The following ALK variants were observed in gnomAD, a reference collection of about 807,000 sequenced individuals.
ALK encodes ALK tyrosine kinase receptor.
In ALK, 74 loss-of-function variants were observed where a neutral mutation model predicts 163.1. That is an observed-to-expected ratio of 0.45 (90% confidence interval 0.38 to 0.55). ALK has a LOEUF of 0.55. Among genes scored for constraint, ALK ranks in the 20% least tolerant of loss-of-function variants. The pLI is 0.00. For missense variants in ALK, 2,063 were observed against 2,105.3 expected (o/e 0.98, Z 0.39); for synonymous variants, 960 against 843.2 (o/e 1.14, Z -2.40).
At chr2:29,230,124 A>G (rs554745727) in intron 15 of ALK, among the ~76,000 whole-genome samples, 9 of 152,292 alleles carry the variant, frequency 5.9e-5, no homozygotes, top group African/African-American at 2.2e-4. Flanking sequence ...CCATCACACC[A>G]AAATAAATGT....
intron 1 of ALK, among the ~76,000 whole-genome samples, chr2:29,748,115 T>G (rs1680254018): frequency 6.6e-6 from 1 of 152,142 alleles, no homozygotes; most frequent in East Asian, 1.9e-4. Flanking sequence ...TTAAAGGGGT[T>G]GCAAGACCCA....
Position 29,228,918 on chromosome 2 carries a change from C to T in ALK, c.2781G>A (p.Gly927=), listed in dbSNP as rs1264537420. ...CTCCGCCTCCTCCACCTGAGGAGCA[C>T]CCCCCTCCACCCCCTCCGAAACCCC... ...TRGGFGGGGG[G]CSSGGGGGGY... The change falls in exon 16 of 29, where the codon GGG becomes GGA. Residue 927 remains glycine, a synonymous_variant. Coordinates refer to ENST00000389048, the MANE Select transcript of ALK (RefSeq NM_004304.5). 3.4e-6 allele frequency: 5 copies of T among 1,457,972 alleles called. No individual in the cohort carries two copies. The highest frequency in any genetic ancestry group is 2.3e-5 in the South Asian group (2 of 87,782). 90.3% of individuals were successfully genotyped at this position (1,457,972 alleles called of 1,614,324 possible). A position where few individuals can be genotyped will look rare whatever the true frequency, so the allele number is the denominator to read the frequency against.
chr2:29,331,306 A>T (rs1431330288), intron 5 of ALK, among the ~76,000 whole-genome samples: 3 of 152,220 alleles, frequency 2.0e-5, no homozygotes, highest in African/African-American at 7.2e-5. Context: ...TGAACAATAC[A>T]GGTTTGGACC....
At chr2:29,639,142 T>A (rs11127232) in intron 3 of ALK, among the ~76,000 whole-genome samples, 92,101 of 151,968 alleles carry the variant, frequency 0.61, 29,322 homozygotes, top group East Asian at 0.73. Flanking sequence ...CACACAGAAT[T>A]TCAGGACAGG....
At chr2:29,597,541 C>T (rs1675248425) in intron 3 of ALK, among the ~76,000 whole-genome samples, 3 of 152,104 alleles carry the variant, frequency 2.0e-5, no homozygotes, top group Non-Finnish European at 2.9e-5. Flanking sequence ...TAATTCCTAA[C>T]AGGAAAGGTG....
chr2:29,452,168 C>G (rs1371817927), intron 4 of ALK, among the ~76,000 whole-genome samples: 2 of 152,138 alleles, frequency 1.3e-5, no homozygotes, highest in Non-Finnish European at 2.9e-5. Flanking sequence ...TTCCTACTTC[C>G]TCCTCCTTGT....
intron 11 of ALK, among the ~76,000 whole-genome samples, chr2:29,251,469 C>T (rs1664813984): frequency 6.6e-6 from 1 of 152,246 alleles, no homozygotes; most frequent in Non-Finnish European, 1.5e-5. Flanking sequence ...GACCCTGAGT[C>T]AGAGACAAAG....
chr2:29,403,709 C>CAAAAAAAAAAAAA (rs67270103), intron 4 of ALK, among the ~76,000 whole-genome samples: 25 of 74,186 alleles, frequency 3.4e-4, no homozygotes, highest in East Asian at 1.6e-3. Flanking sequence ...CAGGTCTCTA[C>CAAAAAAAAAAAAA]AAAAAAAAAA....
chr2:29,241,514 G>T (rs2148190050), intron 12 of ALK, among the ~76,000 whole-genome samples: 1 of 151,984 alleles, frequency 6.6e-6, no homozygotes, highest in Non-Finnish European at 1.5e-5. Context: ...GTGGTTGTGG[G>T]GTGTGGTGAT....
intron 1 of ALK, among the ~76,000 whole-genome samples, chr2:29,892,800 A>G (rs1667178284): frequency 6.6e-6 from 1 of 152,110 alleles, no homozygotes. Context: ...ATACTTCCCA[A>G]CTGTGTATAA....
At chr2:29,448,337 T>C (rs1235142184) in intron 4 of ALK, among the ~76,000 whole-genome samples, 1 of 152,198 alleles carries the variant, frequency 6.6e-6, no homozygotes, top group Non-Finnish European at 1.5e-5. Context: ...GTTTGGCCAG[T>C]AATGTGAGTT....
At chr2:29,892,960 A>G (rs1667181702) in intron 1 of ALK, among the ~76,000 whole-genome samples, 1 of 152,140 alleles carries the variant, frequency 6.6e-6, no homozygotes, top group African/African-American at 2.4e-5. Flanking sequence ...CATTGTGCCC[A>G]GAGCCTGGCC....
chr2:29,486,010 T>A (rs1284973819), intron 4 of ALK, among the ~76,000 whole-genome samples: 2 of 152,190 alleles, frequency 1.3e-5, no homozygotes, highest in Non-Finnish European at 1.5e-5. Context: ...CTGTATGGAC[T>A]GCTTCCCGCC....
intron 1 of ALK, among the ~76,000 whole-genome samples, chr2:29,815,897 T>C (rs996032766): frequency 5.5e-4 from 83 of 152,222 alleles, no homozygotes; most frequent in Admixed American, 5.4e-3. Context: ...GTTACCAGCC[T>C]GTTCTCAAAG....
chr2:29,207,472 GACAAA>G (rs1217277827), intron 25 of ALK, among the ~76,000 whole-genome samples, 200 bp from the exon 26 acceptor site: 1 of 152,176 alleles, frequency 6.6e-6, no homozygotes, highest in Non-Finnish European at 1.5e-5. Flanking sequence ...TTTAATAGAA[GACAAA>G]ACAAACCACG....
intron 1 of ALK, among the ~76,000 whole-genome samples, chr2:29,760,244 T>C (rs1680662719): frequency 6.6e-6 from 1 of 152,136 alleles, no homozygotes; most frequent in Non-Finnish European, 1.5e-5. Context: ...CTTTTCCTGA[T>C]GCTCAGCCTA....
chr2:29,406,888 G>C (rs1417615594), intron 4 of ALK, among the ~76,000 whole-genome samples: 2 of 105,458 alleles, frequency 1.9e-5, no homozygotes, highest in Admixed American at 1.1e-4. Flanking sequence ...GCCAGAGTGA[G>C]ACTCCATCTC....
chr2:29,595,304 C>A (rs965566901), intron 3 of ALK, among the ~76,000 whole-genome samples: 1 of 149,978 alleles, frequency 6.7e-6, no homozygotes, highest in Non-Finnish European at 1.5e-5. Flanking sequence ...TCACTGAGAT[C>A]TGCTGTCTTA....
At chr2:29,208,205 A>G (rs1669366205) in intron 25 of ALK, among the ~76,000 whole-genome samples, 1 of 152,198 alleles carries the variant, frequency 6.6e-6, no homozygotes, top group Admixed American at 6.5e-5. Context: ...ATTCTACTTG[A>G]GGCAGGGGTA....
Sources: allele counts gnomAD v4.1 joint callset (sites outside exome capture counted in the v4.1 genomes callset), GRCh38; gene constraint gnomAD v4.1.1; transcripts MANE v1.5; gene names NCBI Gene and HGNC (gene_info 2026-07-23, HGNC 2026-07-21).